Variants in ABR observed in about 807,000 individuals in gnomAD.
ABR encodes active breakpoint cluster region-related protein.
Under a neutral mutation model 107.2 loss-of-function variants are expected in ABR, and 35 were observed. That is an observed-to-expected ratio of 0.33 (90% CI 0.25 to 0.43). ABR has a LOEUF of 0.43. Among genes scored for constraint, ABR ranks in the 20% least tolerant of loss-of-function variants. The pLI is 1.00. For missense variants in ABR, 815 were observed against 1,115.2 expected (o/e 0.73, Z 3.83); for synonymous variants, 498 against 462.0 (o/e 1.08, Z -1.00).
intron 4 of ABR, among the ~76,000 whole-genome samples, chr17:1,086,502 C>CTT (rs11288862): frequency 4.3e-5 from 6 of 140,572 alleles, no homozygotes; most frequent in African/African-American, 1.1e-4. Flanking sequence ...TACTTATACA[C>CTT]TTTTTTTTTT....
At chr17:1,064,705 A>G (rs2034499377) in intron 10 of ABR, among the ~76,000 whole-genome samples, 1 of 124,392 alleles carries the variant, frequency 8.0e-6, no homozygotes, top group Non-Finnish European at 1.7e-5. Context: ...GTTCCTCTAG[A>G]CACTGCTGTT....
intron 2 of ABR, among the ~76,000 whole-genome samples, chr17:1,103,811 G>A (rs2038068925): frequency 2.0e-5 from 3 of 152,094 alleles, no homozygotes; most frequent in African/African-American, 4.8e-5. Flanking sequence ...AATTAGCCTC[G>A]GTGCACTTGG....
chr17:1,048,566 C>T (rs2031991081), intron 16 of ABR, among the ~76,000 whole-genome samples: 1 of 152,122 alleles, frequency 6.6e-6, no homozygotes, highest in African/African-American at 2.4e-5. Context: ...AAGCTCGGCG[C>T]CCAGCTGCGC....
At chr17:1,074,044 G>A (rs919950858) in intron 6 of ABR, among the ~76,000 whole-genome samples, 14 of 140,996 alleles carry the variant, frequency 9.9e-5, no homozygotes, top group Non-Finnish European at 1.5e-5. Flanking sequence ...ACCCAGCCAC[G>A]CCCCGAAGAG....
In ABR at chr17:1,083,449, G is replaced by A. The variant is rs527471499; in HGVS notation, c.639+71C>T. ...TTCACCGACTGGCAAGCGAGGGAGG[G>A]GAGACCAAGGGCTCTGAGCAGCCCC... On this transcript the variant is annotated intron_variant, in intron 5 of 22. Transcript: ENST00000302538. 257 of 1,118,308 alleles carry A rather than the reference G, an allele frequency of 2.3e-4. 1 individual carries two copies. The African/African-American group carries it at 3.6e-3, about 16-fold the overall frequency. The allele number at this position is 1,118,308 out of a possible 1,614,324, so 69.3% of individuals were successfully genotyped here. A position where few individuals can be genotyped will look rare whatever the true frequency, so the allele number is the denominator to read the frequency against.
At chr17:1,091,058 C>A (rs917877404) in intron 4 of ABR, among the ~76,000 whole-genome samples, 1 of 152,206 alleles carries the variant, frequency 6.6e-6, no homozygotes, top group African/African-American at 2.4e-5. Flanking sequence ...CCGCTCCCGA[C>A]CCTGCAGTGG....
intron 16 of ABR, among the ~76,000 whole-genome samples, chr17:1,031,024 G>A (rs1334176101): frequency 1.3e-5 from 2 of 152,218 alleles, no homozygotes; most frequent in Admixed American, 1.3e-4. Context: ...GGCTGCAGGG[G>A]CACCGGCGGT....
rs1555624740 is a variant in ABR at position 1,226,757 on chromosome 17, C to CAT, written c.838+2035_838+2036insAT. 4.3e-3 allele frequency among the ~76,000 whole-genome samples: 333 copies of CAT among 77,172 alleles called. 2 individuals are homozygous for CAT. The highest frequency in any genetic ancestry group is 0.027 in the African/African-American group (324 of 12,192). The allele number at this position is 77,172 out of a possible 152,430, so 50.6% of individuals were successfully genotyped here. ...TCACGTATATACATGTGCTGCTGTG[C>CAT]GTGTGTGTGCATGCATGTGACAGTG... On this transcript the variant is annotated intron_variant, in intron 1 of 22. Transcript: ENST00000574139.
Position 1,079,674 on chromosome 17 carries a change from A to C in ABR, c.640-284T>G, listed in dbSNP as rs188864638. 1.4e-4 allele frequency among the ~76,000 whole-genome samples: 22 copies of C among 151,944 alleles called. No homozygotes were observed. The East Asian group carries it at 4.1e-3, about 28-fold the overall frequency. On this transcript the variant is annotated intron_variant, in intron 5 of 22. Transcript: ENST00000302538. ...TGTGGTGTCAGGTGCCTGTAATCCC[A>C]GCTACTTGGGAGGCTGGGGCAGGAG...
chr17:1,217,622 T>A (rs939162981), intron 1 of ABR, among the ~76,000 whole-genome samples: 7 of 152,216 alleles, frequency 4.6e-5, no homozygotes, highest in Non-Finnish European at 1.0e-4. Flanking sequence ...TTGCTCAAGG[T>A]CACATAGCAG....
At chr17:1,057,881 G>T in intron 12 of ABR, 89 bp downstream of exon 12, 1 of 1,218,692 alleles carries the variant, frequency 8.2e-7, no homozygotes, top group Non-Finnish European at 1.2e-6. Context: ...GGCCAAAGAC[G>T]TGATACTGGA....
intron 6 of ABR, among the ~76,000 whole-genome samples, chr17:1,076,476 A>G (rs1289975717): frequency 6.6e-6 from 1 of 151,954 alleles, no homozygotes; most frequent in Non-Finnish European, 1.5e-5. Context: ...CTCAGCAGAC[A>G]CCTGCCAGGG....
chr17:1,175,426 CTCAGAGAGAGCA>C (rs1467070980), intron 1 of ABR, among the ~76,000 whole-genome samples: 1 of 152,084 alleles, frequency 6.6e-6, no homozygotes, highest in Non-Finnish European at 1.5e-5. Flanking sequence ...AAAAGAGAGC[CTCAGAGAGAGCA>C]TCATAGCAAC....
intron 1 of ABR, among the ~76,000 whole-genome samples, chr17:1,201,032 G>A (rs1015019814): frequency 3.9e-5 from 6 of 152,184 alleles, no homozygotes; most frequent in African/African-American, 1.2e-4. Context: ...GGAAAGTACA[G>A]GAAGACTTGT....
rs1435976147 is a variant in ABR, at chr17:1,048,635, G to C, written c.1791+1415C>G. Among the ~76,000 whole-genome samples, 117 of 120,538 alleles carry C rather than the reference G, an allele frequency of 9.7e-4. 1 individual carries two copies. The highest frequency in any genetic ancestry group is 3.4e-3 in the African/African-American group (109 of 32,216). The allele number at this position is 120,538 out of a possible 152,430, so 79.1% of individuals were successfully genotyped here. On this transcript the variant is annotated intron_variant, in intron 16 of 22. Transcript: ENST00000302538. Reference sequence around the variant, plus strand: ...CGGCGCCCAGCTGCGCCTGGATCACGTCCGGGGCCACGGTCAAGAAGCTCG... The same window carrying C: ...CGGCGCCCAGCTGCGCCTGGATCACCTCCGGGGCCACGGTCAAGAAGCTCG...
chr17:1,012,046 C>G, intron 18 of ABR, 61 bp from the exon 19 acceptor site: 1 of 1,604,460 alleles, frequency 6.2e-7, no homozygotes, highest in Non-Finnish European at 8.5e-7. Flanking sequence ...CCGTAGCAAC[C>G]CCCACCCAGC....
At chr17:1,018,113 G>A (rs2071312051) in intron 16 of ABR, among the ~76,000 whole-genome samples, 1 of 151,946 alleles carries the variant, frequency 6.6e-6, no homozygotes, top group Non-Finnish European at 1.5e-5. Flanking sequence ...CGCGATCCTG[G>A]CTCACTGCAA....
intron 13 of ABR, 137 bp downstream of exon 13, chr17:1,056,861 C>G (rs1567667434): frequency 1.6e-6 from 1 of 619,926 alleles, no homozygotes; most frequent in Middle Eastern, 3.8e-4. Context: ...TGTGTCCTGG[C>G]CACTCAACAG....
chr17:1,069,945 G>A (rs759487233), intron 9 of ABR, 24 bp downstream of exon 9: 50 of 327,536 alleles, frequency 1.5e-4, no homozygotes, highest in South Asian at 9.4e-4. Context: ...CCCCCGCCCC[G>A]TGCCCCTGGA....
Sources: gnomAD v4.1 joint callset for allele counts (sites outside exome capture counted in the v4.1 genomes callset) on GRCh38, gnomAD v4.1.1 for gene constraint, MANE v1.5 for transcripts, NCBI Gene and HGNC (gene_info 2026-07-23, HGNC 2026-07-21) for gene names.